Variants in DNAH14 observed in about 807,000 individuals in gnomAD.
DNAH14 encodes dynein axonemal heavy chain 14, also known as axonemal beta dynein heavy chain 14.
DNAH14 carries 478 observed loss-of-function variants against 520.9 expected under a neutral mutation model. That is an observed-to-expected ratio of 0.92 (90% CI 0.85 to 0.99). The LOEUF (loss-of-function observed/expected upper bound fraction) is 0.99. Ranked by LOEUF, DNAH14 falls within the 50% of genes least tolerant of loss-of-function variation. The pLI is 0.00. For missense variants in DNAH14, 4,831 were observed against 5,234.5 expected, an observed-to-expected ratio of 0.92 and a Z score of 2.38; for synonymous variants, 1,581 against 1,757.2, an observed-to-expected ratio of 0.90 and a Z score of 2.51.
intron 17 of DNAH14, among the ~76,000 whole-genome samples, chr1:225,061,679 G>T (rs1297219485): frequency 6.6e-6 from 1 of 152,072 alleles, no homozygotes; most frequent in East Asian, 1.9e-4. Flanking sequence ...TTTAAAGATG[G>T]GGTCTTGTTA....
At position 225,152,874 on chromosome 1, in the gene DNAH14, C is replaced by T; in HGVS notation, c.5187C>T (p.Leu1729=). The T allele has an allele frequency of 6.5e-7, 1 of 1,549,264 alleles. No individual in the cohort carries two copies. Among genetic ancestry groups the T allele is most frequent in the Non-Finnish European group, 8.7e-7 (1 of 1,146,472 alleles). ...TNLYELARKQ[L]SQQDHYNFGL... Reference sequence around the variant, plus strand: ...TTTATGAATTAGCGCGCAAACAGCTCTCACAACAGGTAAATAGCTACTTTT... The same window carrying T: ...TTTATGAATTAGCGCGCAAACAGCTTTCACAACAGGTAAATAGCTACTTTT... The change falls in exon 33 of 86, where the codon CTC becomes CTT. Residue 1729 remains leucine, a synonymous_variant. Transcript: ENST00000682510.
chr1:225,093,245 C>G (rs2074571620), intron 21 of DNAH14, among the ~76,000 whole-genome samples: 1 of 151,734 alleles, frequency 6.6e-6, no homozygotes, highest in African/African-American at 2.4e-5. Context: ...AAAATACTAG[C>G]AAACTGAACC....
rs1441640753 is a variant in DNAH14, at chr1:225,196,784, ATGTT to A, written c.5886+3878_5886+3881del. Among the ~76,000 whole-genome samples the A allele has an allele frequency of 3.9e-5, 6 of 152,102 alleles. No homozygotes were observed. The East Asian group carries it at 1.2e-3, about 29-fold the overall frequency. Reference sequence around the variant, plus strand: ...AATTAGTGATGTTGAGCATTTTTTCATGTTTGTTGGCCATTTGTATATCTTCTTT... The same window carrying A: ...AATTAGTGATGTTGAGCATTTTTTCATGTTGGCCATTTGTATATCTTCTTT... On this transcript the variant is annotated intron_variant, in intron 38 of 85. Transcript: ENST00000682510.
chr1:225,094,372 TA>T (rs1455517918), intron 21 of DNAH14, among the ~76,000 whole-genome samples: 1 of 151,846 alleles, frequency 6.6e-6, no homozygotes, highest in African/African-American at 2.4e-5. Context: ...AAACAAGGCA[TA>T]GGGGAAGAAT....
intron 1 of DNAH14, among the ~76,000 whole-genome samples, chr1:224,946,066 G>C (rs1206041465): frequency 6.7e-6 from 1 of 149,686 alleles, no homozygotes; most frequent in African/African-American, 2.4e-5. Context: ...CCTTTTGTTT[G>C]GCTATGCCCT....
intron 17 of DNAH14, among the ~76,000 whole-genome samples, chr1:225,071,843 A>T (rs1263168395): frequency 1.3e-5 from 2 of 152,182 alleles, no homozygotes; most frequent in Non-Finnish European, 2.9e-5. Context: ...CTTACTCACT[A>T]CCACAAGAAC....
At chr1:225,377,686 A>G (rs2095719197) in intron 79 of DNAH14, among the ~76,000 whole-genome samples, 1 of 152,154 alleles carries the variant, frequency 6.6e-6, no homozygotes, top group South Asian at 2.1e-4. Flanking sequence ...AAAAAAATTC[A>G]TTTGAAGAGA....
intron 27 of DNAH14, among the ~76,000 whole-genome samples, chr1:225,133,228 C>T (rs190239551): frequency 2.0e-5 from 3 of 151,714 alleles, no homozygotes; most frequent in African/African-American, 7.2e-5. Context: ...CTCTTTAGTT[C>T]AGTTAGATCT....
intron 60 of DNAH14, among the ~76,000 whole-genome samples, chr1:225,310,228 T>C (rs964271104): frequency 1.6e-4 from 24 of 151,962 alleles, no homozygotes; most frequent in Non-Finnish European, 2.9e-4. Context: ...GGATAATCTT[T>C]TTTTCTCCCT....
At chr1:225,146,308 T>C (rs2079935199) in intron 30 of DNAH14, among the ~76,000 whole-genome samples, 1 of 152,222 alleles carries the variant, frequency 6.6e-6, no homozygotes. Context: ...TTCTACATCC[T>C]TCTCGGTCTG....
intron 17 of DNAH14, among the ~76,000 whole-genome samples, chr1:225,074,712 T>A (rs964889550): frequency 6.6e-6 from 1 of 152,224 alleles, no homozygotes; most frequent in African/African-American, 2.4e-5. Context: ...AGGGTAGCTG[T>A]GCTGTGCTGG....
chr1:225,166,748 T>TA (rs773380215), intron 35 of DNAH14, among the ~76,000 whole-genome samples: 32 of 152,310 alleles, frequency 2.1e-4, no homozygotes, highest in Non-Finnish European at 4.1e-4. Flanking sequence ...GCCAAGTAAC[T>TA]AAAAGATTAA....
chr1:225,059,044 G>A (rs569846293), intron 17 of DNAH14, among the ~76,000 whole-genome samples: 36 of 152,276 alleles, frequency 2.4e-4, no homozygotes, highest in East Asian at 3.9e-4. Context: ...TATTAGGTCC[G>A]CTTGGTGCAG....
intron 29 of DNAH14, 31 bp from the exon 30 acceptor site, chr1:225,145,295 A>G (rs1206780701): frequency 2.6e-6 from 4 of 1,521,138 alleles, no homozygotes; most frequent in African/African-American, 1.4e-5. Flanking sequence ...TCATAATTCA[A>G]GAAAGATACT....
chr1:224,980,854 A>G (rs1004223923), intron 8 of DNAH14, among the ~76,000 whole-genome samples: 1 of 152,166 alleles, frequency 6.6e-6, no homozygotes, highest in African/African-American at 2.4e-5. Flanking sequence ...GTGGGGGGCT[A>G]TGGGAGGGAT....
intron 41 of DNAH14, among the ~76,000 whole-genome samples, chr1:225,211,985 C>A (rs2088503257): frequency 6.6e-6 from 1 of 151,298 alleles, no homozygotes; most frequent in Non-Finnish European, 1.5e-5. Flanking sequence ...TATACATGTG[C>A]CTTGTTGGTG....
At chr1:225,285,638 C>A (rs1459829010) in intron 54 of DNAH14, among the ~76,000 whole-genome samples, 1 of 152,048 alleles carries the variant, frequency 6.6e-6, no homozygotes, top group African/African-American at 2.4e-5. Flanking sequence ...AGGAGGATTG[C>A]CTGAGGCCAG....
At chr1:225,249,432 T>G (rs1316266012) in intron 43 of DNAH14, among the ~76,000 whole-genome samples, 4 of 152,208 alleles carry the variant, frequency 2.6e-5, no homozygotes, top group Admixed American at 6.5e-5. Flanking sequence ...TCCTCATTTA[T>G]TTGGGATGGA....
In DNAH14 at chr1:225,335,170, T is replaced by TGTGCATGC. The variant is rs1336486897; in HGVS notation, c.10080+1666_10080+1667insGCATGCGT. Reference sequence around the variant, plus strand: ...GTGTACATGTGTGCATGTGTGCATGTGTACATGTGCGCATGTGTGTATATA... The same window carrying TGTGCATGC: ...GTGTACATGTGTGCATGTGTGCATGTGTGCATGCGTACATGTGCGCATGTGTGTATATA... On this transcript the variant is annotated intron_variant, in intron 66 of 85. Coordinates refer to ENST00000682510, the MANE Select transcript of DNAH14 (RefSeq NM_001367479.1). 7.8e-4 allele frequency among the ~76,000 whole-genome samples: 115 copies of TGTGCATGC among 147,626 alleles called. No homozygotes were observed. In the South Asian group the frequency reaches 8.9e-3, roughly 11 times the overall value.
Sources: gnomAD v4.1 joint callset for allele counts (sites outside exome capture counted in the v4.1 genomes callset) on GRCh38, gnomAD v4.1.1 for gene constraint, MANE v1.5 for transcripts, NCBI Gene and HGNC (gene_info 2026-07-23, HGNC 2026-07-21) for gene names.